Variants in DOCK4 observed in about 807,000 individuals in gnomAD.
DOCK4 encodes the protein dedicator of cytokinesis 4.
In DOCK4, 97 loss-of-function variants were observed where a neutral mutation model predicts 268.1. The ratio of observed to expected loss-of-function variants is 0.36; its 90% CI spans 0.31 to 0.43. The LOEUF is 0.43. DOCK4 is among the 20% of genes least tolerant of loss of function. The pLI is 1.00. For missense variants in DOCK4, 2,145 were observed against 2,455.7 expected (o/e 0.87, Z 2.67); for synonymous variants, 954 against 887.2 (o/e 1.08, Z -1.34).
At chr7:111,814,830 C>G (rs1004308266) in intron 27 of DOCK4, among the ~76,000 whole-genome samples, 1 of 152,120 alleles carries the variant, frequency 6.6e-6, no homozygotes, top group Non-Finnish European at 1.5e-5. Context: ...GGCCTGTGAG[C>G]CTTTCAGGGA....
intron 1 of DOCK4, among the ~76,000 whole-genome samples, chr7:112,020,407 A>G (rs183083883): frequency 8.2e-4 from 125 of 152,330 alleles, no homozygotes; most frequent in Non-Finnish European, 1.4e-3. Context: ...TTGTTAAAGC[A>G]TAAAACAAAA....
rs529797439 is a variant in DOCK4, at chr7:111,834,694, A to T, written c.2737-8T>A. The T allele has an allele frequency of 1.2e-4, 24 of 201,568 alleles. No homozygotes were observed. The highest frequency in any genetic ancestry group is 3.7e-4 in the East Asian group (2 of 5,366). 12.5% of individuals were successfully genotyped at this position (201,568 alleles called of 1,614,324 possible). On this transcript the variant is annotated splice_region_variant and splice_polypyrimidine_tract_variant and intron_variant, in intron 25 of 52. Transcript: ENST00000428084. ...ACAAGCAACAAACTCCCCCTAAGTTAAAAAAAAAAAAAGCATACATTTTAT... is the reference window on the plus strand; with the variant it reads ...ACAAGCAACAAACTCCCCCTAAGTTTAAAAAAAAAAAAGCATACATTTTAT...
chr7:112,119,003 G>T (rs1009777927), intron 1 of DOCK4, among the ~76,000 whole-genome samples: 3 of 152,228 alleles, frequency 2.0e-5, no homozygotes, highest in African/African-American at 7.2e-5. Context: ...GTGTATCTAT[G>T]TGAAAAAATG....
In DOCK4 at chr7:111,728,689, A is replaced by T. The variant is rs769090003; in HGVS notation, c.5513T>A (p.Val1838Glu). The T allele has an allele frequency of 1.1e-5, 18 of 1,613,442 alleles. No homozygotes were observed. The highest frequency in any genetic ancestry group is 1.4e-5 in the Non-Finnish European group (17 of 1,179,722). Reference protein sequence around the residue: ...GSVQSFTPSPVEYHSPGLISN... With the variant: ...GSVQSFTPSPEEYHSPGLISN... The stretch of plus-strand genomic sequence containing the variant: ...GATGAGTCCTGGCGAGTGGTACTCC[A>T]CTGGAGAGGGGGTGAAAGACTGCAC... Residue 1838 changes from valine (V) to glutamate (E), a missense_variant, in exon 53 of 53, where the codon GTG (valine) becomes GAG (glutamate). Physicochemically the swap from Val to Glu is moderately radical, Grantham distance 121 (BLOSUM62 -2). Transcript: ENST00000428084.
chr7:112,165,559 T>TGTGTGTGCGCGC (rs59052406), intron 1 of DOCK4, among the ~76,000 whole-genome samples: 1 of 148,152 alleles, frequency 6.7e-6, no homozygotes, highest in Admixed American at 6.8e-5. Context: ...TGTGTGTGTG[T>TGTGTGTGCGCGC]GCGTGTGTGT....
At chr7:112,041,670 T>G (rs771457161) in intron 1 of DOCK4, among the ~76,000 whole-genome samples, 1 of 152,228 alleles carries the variant, frequency 6.6e-6, no homozygotes. Flanking sequence ...AAAAGACTTT[T>G]TAGTAAGTGG....
chr7:111,950,950 G>A (rs1262931320), intron 8 of DOCK4, among the ~76,000 whole-genome samples: 1 of 152,166 alleles, frequency 6.6e-6, no homozygotes, highest in East Asian at 1.9e-4. Flanking sequence ...AGAAATGAGA[G>A]TTGGTATTAT....
At chr7:111,964,602 G>A (rs1392589299) in intron 8 of DOCK4, among the ~76,000 whole-genome samples, 1 of 137,176 alleles carries the variant, frequency 7.3e-6, no homozygotes, top group African/African-American at 2.9e-5. Context: ...AAGTGATGGG[G>A]AGAATGGAAC....
chr7:112,022,241 C>T (rs1231961815), intron 1 of DOCK4, among the ~76,000 whole-genome samples: 1 of 152,228 alleles, frequency 6.6e-6, no homozygotes, highest in Non-Finnish European at 1.5e-5. Context: ...ACTCTATGTA[C>T]TGAGCCAGAA....
chr7:112,071,525 C>A (rs554373080), intron 1 of DOCK4, among the ~76,000 whole-genome samples: 196 of 152,224 alleles, frequency 1.3e-3, no homozygotes, highest in African/African-American at 4.2e-3. Flanking sequence ...CACGAGAATG[C>A]AAACATATAA....
chr7:112,164,636 A>G (rs1210572185), intron 1 of DOCK4, among the ~76,000 whole-genome samples: 2 of 152,232 alleles, frequency 1.3e-5, no homozygotes. Flanking sequence ...TCTTAGAATT[A>G]GTCAGAGAGC....
chr7:112,122,745 TG>T (rs1812856424), intron 1 of DOCK4, among the ~76,000 whole-genome samples: 1 of 152,264 alleles, frequency 6.6e-6, no homozygotes. Context: ...TCTTCTATGT[TG>T]TTATAAAGAC....
chr7:112,126,522 C>T (rs915417370), intron 1 of DOCK4, among the ~76,000 whole-genome samples: 2 of 152,088 alleles, frequency 1.3e-5, no homozygotes, highest in Admixed American at 6.5e-5. Flanking sequence ...AACAAAACAC[C>T]AAAAGCAATG....
intron 23 of DOCK4, among the ~76,000 whole-genome samples, chr7:111,847,955 G>A (rs1804247188): frequency 6.6e-6 from 1 of 152,134 alleles, no homozygotes; most frequent in South Asian, 2.1e-4. Context: ...CTTTGTACAT[G>A]AATGGATTTT....
In DOCK4 at chr7:111,760,304, G is replaced by A. The variant is rs763384879; in HGVS notation, c.4039C>T (p.Arg1347Ter). The change falls in exon 40 of 53, where the codon CGA becomes TGA. Residue 1347 changes from arginine to a stop codon, truncating the protein, a stop_gained. Coordinates refer to ENST00000428084, the MANE Select transcript of DOCK4 (RefSeq NM_001363540.2). LOFTEE classifies it high-confidence loss of function. ...FFLRNKEFVC[R>*]GHDYERLEAF... ...TCCAGCCTCTCGTAGTCATGCCCTCGACACACAAACTCCTTATTCTGGAGA... is the reference window on the plus strand; with the variant it reads ...TCCAGCCTCTCGTAGTCATGCCCTCAACACACAAACTCCTTATTCTGGAGA... 2 of 1,613,566 alleles carry A rather than the reference G, an allele frequency of 1.2e-6. No individual in the cohort carries two copies. The highest frequency in any genetic ancestry group is 1.3e-5 in the African/African-American group (1 of 75,024).
intron 1 of DOCK4, among the ~76,000 whole-genome samples, chr7:112,127,994 A>G (rs548231471): frequency 6.6e-5 from 10 of 152,250 alleles, no homozygotes; most frequent in African/African-American, 2.4e-4. Context: ...GTGCCACTGC[A>G]CTCCAGCCTG....
At chr7:112,115,571 G>A (rs1262060039) in intron 1 of DOCK4, among the ~76,000 whole-genome samples, 2 of 152,124 alleles carry the variant, frequency 1.3e-5, no homozygotes. Context: ...CCTCTGCCAT[G>A]CTAAGCATGG....
chr7:112,085,958 G>A (rs188874363), intron 1 of DOCK4, among the ~76,000 whole-genome samples: 12 of 152,118 alleles, frequency 7.9e-5, no homozygotes, highest in South Asian at 6.2e-4. Flanking sequence ...TTGAAACATT[G>A]TAATATGGGC....
Position 112,115,633 on chromosome 7 carries a change from T to TC in DOCK4, c.37+90468dup, listed in dbSNP as rs1563099135. ...ATATGCCATCTATCAATCCACCCATTCATCCATCCATCCATCCACCCATCC... is the reference window on the plus strand; with the variant it reads ...ATATGCCATCTATCAATCCACCCATTCCATCCATCCATCCATCCACCCATCC... On this transcript the variant is annotated intron_variant, in intron 1 of 52. Transcript: ENST00000428084. 2.5e-4 allele frequency among the ~76,000 whole-genome samples: 8 copies of TC among 32,200 alleles called. No homozygotes were observed. The African/African-American group carries it at 3.7e-3, about 15-fold the overall frequency. The allele number at this position is 32,200 out of a possible 152,430, so 21.1% of individuals were successfully genotyped here.
Sources: gnomAD v4.1 joint callset for allele counts (sites outside exome capture counted in the v4.1 genomes callset) on GRCh38, gnomAD v4.1.1 for gene constraint, MANE v1.5 for transcripts, NCBI Gene and HGNC (gene_info 2026-07-23, HGNC 2026-07-21) for gene names.